The following GSG1L variants were observed in gnomAD, a reference collection of about 807,000 sequenced individuals.
GSG1L encodes the protein germ cell-specific gene 1-like protein.
In GSG1L, 24 loss-of-function variants were observed where a neutral mutation model predicts 42.1. The observed-to-expected ratio is 0.57, with a 90% CI of 0.41 to 0.80. The LOEUF (loss-of-function observed/expected upper bound fraction) is 0.80. Among genes scored for constraint, GSG1L ranks in the 30% least tolerant of loss-of-function variants. GSG1L has a pLI of 0.00. For synonymous variants in GSG1L, 215 were observed against 203.5 expected, an observed-to-expected ratio of 1.06 and a Z score of -0.48; for missense variants, 445 against 472.2, an observed-to-expected ratio of 0.94 and a Z score of 0.53.
Position 27,888,208 on chromosome 16 carries a change from T to G in GSG1L, c.398-3570A>C, listed in dbSNP as rs1438113766. 3.6e-6 allele frequency: 3 copies of G among 831,096 alleles called. No individual in the cohort carries two copies. The African/African-American group carries it at 5.5e-5, about 15-fold the overall frequency. 51.5% of individuals were successfully genotyped at this position (831,096 alleles called of 1,614,324 possible). On this transcript the variant is annotated intron_variant, in intron 2 of 6. Transcript: ENST00000447459. ...GGGGGTGCGTTCAACCCTGCCCACGTGGGCCCCGGGCCAGGACGCTTCCCC... is the reference window on the plus strand; with the variant it reads ...GGGGGTGCGTTCAACCCTGCCCACGGGGGCCCCGGGCCAGGACGCTTCCCC...
intron 5 of GSG1L, among the ~76,000 whole-genome samples, chr16:27,826,500 G>A (rs1207904235): frequency 6.6e-6 from 1 of 152,162 alleles, no homozygotes; most frequent in East Asian, 1.9e-4. Flanking sequence ...CCTGTGATAA[G>A]GATTTGGGTA....
intron 3 of GSG1L, among the ~76,000 whole-genome samples, chr16:27,869,686 TG>T (rs2083782655): frequency 7.5e-6 from 1 of 133,092 alleles, no homozygotes; most frequent in East Asian, 2.3e-4. Context: ...CTTCTCTCTC[TG>T]TCTCTGTCTC....
At chr16:27,918,598 A>G (rs1221711950) in intron 2 of GSG1L, among the ~76,000 whole-genome samples, 2 of 151,746 alleles carry the variant, frequency 1.3e-5, no homozygotes, top group East Asian at 3.9e-4. Flanking sequence ...GGCGGAGGTC[A>G]CAGTGAGCCA....
At chr16:28,054,325 C>T (rs2086255623) in intron 1 of GSG1L, among the ~76,000 whole-genome samples, 1 of 152,174 alleles carries the variant, frequency 6.6e-6, no homozygotes, top group African/African-American at 2.4e-5. Context: ...GGGACCCTGC[C>T]CCCTCCAGGC....
In GSG1L at chr16:27,822,261, T is replaced by C. The variant is rs774300764; in HGVS notation, c.830+6528A>G. On this transcript the variant is annotated intron_variant, in intron 5 of 6. Transcript: ENST00000447459. Reference sequence around the variant, plus strand: ...AGCGAGTTACCTGGGGACTCACAGCTAGTAAACTGCGAAGTTAATTCCAAC... The same window carrying C: ...AGCGAGTTACCTGGGGACTCACAGCCAGTAAACTGCGAAGTTAATTCCAAC... 4.1e-4 allele frequency among the ~76,000 whole-genome samples: 63 copies of C among 152,314 alleles called. No homozygotes were observed. In the Middle Eastern group the frequency reaches 0.01, roughly 25 times the overall value.
intron 3 of GSG1L, among the ~76,000 whole-genome samples, chr16:27,857,968 A>G (rs2083601235): frequency 6.6e-6 from 1 of 152,066 alleles, no homozygotes; most frequent in Non-Finnish European, 1.5e-5. Context: ...ACCCCCCACC[A>G]GCTCAGTCCT....
intron 1 of GSG1L, among the ~76,000 whole-genome samples, chr16:27,989,052 CAA>C (rs560236316): frequency 1.1e-4 from 9 of 82,014 alleles, no homozygotes; most frequent in Admixed American, 1.3e-4. Context: ...GACTCTGTCT[CAA>C]AAAAAAAAAA....
intron 2 of GSG1L, among the ~76,000 whole-genome samples, chr16:27,921,379 T>A (rs950382823): frequency 6.6e-6 from 1 of 152,226 alleles, no homozygotes; most frequent in Non-Finnish European, 1.5e-5. Context: ...TCTGTTCTGA[T>A]GGTTGGTGCC....
At chr16:28,006,711 T>A (rs2085643674) in intron 1 of GSG1L, among the ~76,000 whole-genome samples, 1 of 151,722 alleles carries the variant, frequency 6.6e-6, no homozygotes, top group South Asian at 2.1e-4. Context: ...GTTTGTGGGG[T>A]CATTTATTAC....
intron 1 of GSG1L, among the ~76,000 whole-genome samples, chr16:27,972,304 A>C (rs1483046637): frequency 1.3e-5 from 2 of 152,246 alleles, no homozygotes; most frequent in Admixed American, 6.5e-5. Flanking sequence ...AGTCATAGAG[A>C]TGACATGAGG....
chr16:27,999,164 C>A (rs1292692870), intron 1 of GSG1L, among the ~76,000 whole-genome samples: 1 of 152,192 alleles, frequency 6.6e-6, no homozygotes, highest in Non-Finnish European at 1.5e-5. Context: ...ATGATTGGGT[C>A]AGGCGCAGTG....
chr16:27,966,772 T>C (rs2141111855), intron 1 of GSG1L, among the ~76,000 whole-genome samples: 1 of 152,346 alleles, frequency 6.6e-6, no homozygotes, highest in East Asian at 1.9e-4. Context: ...ACACATTTTG[T>C]TTGACCCACA....
intron 1 of GSG1L, among the ~76,000 whole-genome samples, chr16:28,016,255 C>A (rs1387041931): frequency 1.3e-5 from 2 of 152,164 alleles, no homozygotes; most frequent in East Asian, 3.9e-4. Flanking sequence ...TCCTAAAGTG[C>A]TGGAATTACA....
At chr16:27,817,790 C>T (rs1012556171) in intron 5 of GSG1L, among the ~76,000 whole-genome samples, 1 of 152,224 alleles carries the variant, frequency 6.6e-6, no homozygotes, top group South Asian at 2.1e-4. Flanking sequence ...CCATTTATCT[C>T]AATTTCTGTC....
At chr16:27,825,852 AT>A (rs1352382465) in intron 5 of GSG1L, among the ~76,000 whole-genome samples, 4 of 152,138 alleles carry the variant, frequency 2.6e-5, no homozygotes, top group African/African-American at 9.7e-5. Flanking sequence ...TGCTGCCGCC[AT>A]GTGAAGAAGG....
At chr16:27,995,121 A>G (rs955198274) in intron 1 of GSG1L, among the ~76,000 whole-genome samples, 1 of 152,190 alleles carries the variant, frequency 6.6e-6, no homozygotes, top group African/African-American at 2.4e-5. Flanking sequence ...TCTCAACCCA[A>G]CCTCGAGAAG....
At chr16:28,006,778 T>A (rs2085644802) in intron 1 of GSG1L, among the ~76,000 whole-genome samples, 3 of 152,074 alleles carry the variant, frequency 2.0e-5, no homozygotes, top group Admixed American at 2.0e-4. Flanking sequence ...GAGTGGGTGA[T>A]CTGGTCAACC....
At chr16:27,792,557 G>A (rs570848414) in intron 6 of GSG1L, among the ~76,000 whole-genome samples, 20 of 152,160 alleles carry the variant, frequency 1.3e-4, no homozygotes, top group Admixed American at 2.6e-4. Flanking sequence ...ACCTCCCGCC[G>A]AATCAAATCA....
intron 3 of GSG1L, among the ~76,000 whole-genome samples, chr16:27,857,657 C>T (rs879746259): frequency 6.6e-6 from 1 of 152,060 alleles, no homozygotes; most frequent in Non-Finnish European, 1.5e-5. Context: ...TAATTTCCTT[C>T]TTTGTTTTGA....
Sources: allele counts gnomAD v4.1 joint callset (sites outside exome capture counted in the v4.1 genomes callset), GRCh38; gene constraint gnomAD v4.1.1; transcripts MANE v1.5; gene names NCBI Gene and HGNC (gene_info 2026-07-23, HGNC 2026-07-21).